Variants in GPR39 observed in about 807,000 individuals in gnomAD.
GPR39 encodes zinc sensing receptor.
A neutral mutation model predicts 18.4 loss-of-function variants in GPR39; 23 were observed. The ratio of observed to expected loss-of-function variants is 1.25; its 90% CI spans 0.90 to 1.77. The LOEUF (loss-of-function observed/expected upper bound fraction) is 1.77, where lower values mean the gene tolerates loss of function less well. Among genes scored for constraint, GPR39 ranks in the 40% most tolerant of loss-of-function variants. GPR39 has a pLI of 0.00. For missense variants in GPR39, 647 were observed against 602.4 expected, an observed-to-expected ratio of 1.07 and a Z score of -0.78; for synonymous variants, 280 against 257.9, an observed-to-expected ratio of 1.09 and a Z score of -0.82.
chr2:132,512,369 G>A (rs1679256154), intron 1 of GPR39, among the ~76,000 whole-genome samples: 1 of 152,136 alleles, frequency 6.6e-6, no homozygotes, highest in African/African-American at 2.4e-5. Flanking sequence ...AGAGATGAGG[G>A]CACTGAAAAG....
rs1160906664 is a variant in GPR39 at position 132,421,611 on chromosome 2, CAT to C, written c.856+3716_856+3717del. 2.6e-5 allele frequency among the ~76,000 whole-genome samples: 4 copies of C among 152,228 alleles called. No individual in the cohort carries two copies. In the East Asian group the frequency reaches 7.7e-4, roughly 29 times the overall value. ...GGATTACACATCAACTTGGTTTGCT[CAT>C]ATTGAATATAGACATTATTCATCAC... On this transcript the variant is annotated intron_variant, in intron 1 of 1. Transcript: ENST00000329321.
chr2:132,485,961 T>C (rs960805896), intron 1 of GPR39, among the ~76,000 whole-genome samples: 26 of 152,342 alleles, frequency 1.7e-4, no homozygotes, highest in African/African-American at 6.3e-4. Context: ...CTGACAGCTA[T>C]AGACTTATGA....
chr2:132,546,005 T>G (rs1199340091), intron 1 of GPR39, among the ~76,000 whole-genome samples: 2 of 152,220 alleles, frequency 1.3e-5, no homozygotes, highest in Non-Finnish European at 2.9e-5. Context: ...TCTAGACCTC[T>G]GAGGATGAAT....
intron 1 of GPR39, among the ~76,000 whole-genome samples, chr2:132,555,794 AC>A (rs1425056882): frequency 1.3e-5 from 2 of 152,222 alleles, no homozygotes; most frequent in Non-Finnish European, 2.9e-5. Flanking sequence ...TTAGTTAAGC[AC>A]CTGATAATTT....
chr2:132,564,803 C>CTTTTTTTTTTT (rs1680316668), intron 1 of GPR39, among the ~76,000 whole-genome samples: 4 of 91,702 alleles, frequency 4.4e-5, no homozygotes, highest in East Asian at 8.0e-4. Context: ...CTATTTTTTT[C>CTTTTTTTTTTT]TTTTTTCTTT....
At chr2:132,590,435 C>T (rs1419106719) in intron 1 of GPR39, among the ~76,000 whole-genome samples, 1 of 152,040 alleles carries the variant, frequency 6.6e-6, no homozygotes, top group East Asian at 1.9e-4. Flanking sequence ...CACTGGTTTC[C>T]TGTGTGACCT....
intron 1 of GPR39, among the ~76,000 whole-genome samples, chr2:132,584,133 TGG>T (rs1186797986): frequency 6.6e-6 from 1 of 152,050 alleles, no homozygotes; most frequent in African/African-American, 2.4e-5. Context: ...TTGAACGTGG[TGG>T]GACAGTACCC....
intron 1 of GPR39, among the ~76,000 whole-genome samples, chr2:132,496,752 G>GTGCTGGGC (rs1341930317): frequency 6.6e-6 from 1 of 152,208 alleles, no homozygotes; most frequent in Non-Finnish European, 1.5e-5. Flanking sequence ...TGCCTGTGCA[G>GTGCTGGGC]TGCTGGGCTG....
At chr2:132,523,307 A>G (rs1016357536) in intron 1 of GPR39, among the ~76,000 whole-genome samples, 10 of 152,228 alleles carry the variant, frequency 6.6e-5, no homozygotes, top group African/African-American at 2.4e-4. Context: ...AACTCCCTAA[A>G]ATATAAGTGG....
chr2:132,592,266 G>T (rs901894569), intron 1 of GPR39, among the ~76,000 whole-genome samples: 3 of 152,100 alleles, frequency 2.0e-5, no homozygotes, highest in African/African-American at 2.4e-5. Context: ...TGTCGGCAAG[G>T]GTGCACTGAG....
intron 1 of GPR39, among the ~76,000 whole-genome samples, chr2:132,607,616 G>A (rs747703366): frequency 3.9e-5 from 6 of 152,114 alleles, no homozygotes; most frequent in Admixed American, 2.6e-4. Context: ...TTATCTGGGG[G>A]AATACACCTC....
chr2:132,625,237 G>A (rs979924112), intron 1 of GPR39, among the ~76,000 whole-genome samples: 2 of 152,180 alleles, frequency 1.3e-5, no homozygotes, highest in African/African-American at 4.8e-5. Flanking sequence ...GATGACTCCT[G>A]ATGAGGGACA....
At chr2:132,434,334 G>C (rs1440785849) in intron 1 of GPR39, among the ~76,000 whole-genome samples, 1 of 152,198 alleles carries the variant, frequency 6.6e-6, no homozygotes, top group Non-Finnish European at 1.5e-5. Flanking sequence ...AACACCAGTT[G>C]CTAAGTCTTT....
intron 1 of GPR39, among the ~76,000 whole-genome samples, chr2:132,619,054 T>C (rs1041113269): frequency 3.3e-5 from 5 of 152,164 alleles, no homozygotes; most frequent in African/African-American, 1.2e-4. Flanking sequence ...CTCTGCTCCA[T>C]AACTCTGGCT....
Position 132,560,845 on chromosome 2 carries a change from A to G in GPR39, c.857-84256A>G, listed in dbSNP as rs140669908. 1.3e-3 allele frequency among the ~76,000 whole-genome samples: 200 copies of G among 151,024 alleles called. 1 individual carries two copies. The highest frequency in any genetic ancestry group is 4.3e-3 in the African/African-American group (178 of 41,082). ...TCAGGAACTCAGCCTCCTTTTGCCC[A>G]TCTTTCTGTCTATTGGTCATATTTA... On this transcript the variant is annotated intron_variant, in intron 1 of 1. Coordinates refer to ENST00000329321, the MANE Select transcript of GPR39 (RefSeq NM_001508.3).
Position 132,430,588 on chromosome 2 carries a change from A to G in GPR39, c.856+12690A>G, listed in dbSNP as rs918344887. On this transcript the variant is annotated intron_variant, in intron 1 of 1. Coordinates refer to ENST00000329321, the MANE Select transcript of GPR39 (RefSeq NM_001508.3). The stretch of plus-strand genomic sequence containing the variant: ...GACCACCAGCTTGGGCTCTACCATC[A>G]AGAAGGTATCAGCTTCAGGCATCAT... Among the ~76,000 whole-genome samples the G allele has an allele frequency of 6.6e-4, 101 of 152,286 alleles. 1 individual carries two copies. Among genetic ancestry groups the G allele is most frequent in the Non-Finnish European group, 6.5e-4 (44 of 68,020 alleles).
intron 1 of GPR39, among the ~76,000 whole-genome samples, chr2:132,423,161 T>G (rs1271539709): frequency 2.6e-5 from 4 of 151,900 alleles, no homozygotes; most frequent in Admixed American, 2.6e-4. Flanking sequence ...CTGGGACCAC[T>G]CAACTGACTC....
At chr2:132,494,292 C>T (rs1471844149) in intron 1 of GPR39, among the ~76,000 whole-genome samples, 2 of 152,170 alleles carry the variant, frequency 1.3e-5, no homozygotes, top group Non-Finnish European at 2.9e-5. Flanking sequence ...CTCCAGAACA[C>T]CCTACCTCTC....
At chr2:132,620,280 G>C (rs536275556) in intron 1 of GPR39, among the ~76,000 whole-genome samples, 1 of 152,318 alleles carries the variant, frequency 6.6e-6, no homozygotes, top group African/African-American at 2.4e-5. Context: ...GATGCCATTA[G>C]TGGCCTCAGA....
Sources: allele counts gnomAD v4.1 joint callset (sites outside exome capture counted in the v4.1 genomes callset), GRCh38; gene constraint gnomAD v4.1.1; transcripts MANE v1.5; gene names NCBI Gene and HGNC (gene_info 2026-07-23, HGNC 2026-07-21).